The following PGBD1 variants were observed in gnomAD, a reference collection of about 807,000 sequenced individuals.
PGBD1 encodes the protein piggyBac transposable element derived 1.
A neutral mutation model predicts 34.7 loss-of-function variants in PGBD1; 25 were observed. That is an observed-to-expected ratio of 0.72 (90% CI 0.52 to 1.00). The LOEUF is 1.00. Ranked by LOEUF, PGBD1 falls within the 50% of genes least tolerant of loss-of-function variation. PGBD1 has a pLI of 0.00. For missense variants in PGBD1, 830 were observed against 959.4 expected (o/e 0.87, Z 1.78); for synonymous variants, 292 against 335.7 (o/e 0.87, Z 1.42).
intron 4 of PGBD1, among the ~76,000 whole-genome samples, chr6:28,290,131 T>C (rs1483814872): frequency 6.6e-6 from 1 of 152,204 alleles, no homozygotes; most frequent in Non-Finnish European, 1.5e-5. Flanking sequence ...GGTCTCACTC[T>C]TTCACTCTGG....
intron 4 of PGBD1, among the ~76,000 whole-genome samples, chr6:28,289,611 A>G (rs544189293): frequency 1.3e-5 from 2 of 152,350 alleles, no homozygotes; most frequent in African/African-American, 4.8e-5. Flanking sequence ...ATCAAAAACA[A>G]TAATAGGACT....
chr6:28,291,208 C>T (rs1177961820), intron 4 of PGBD1, among the ~76,000 whole-genome samples: 2 of 147,236 alleles, frequency 1.4e-5, no homozygotes, highest in Non-Finnish European at 3.0e-5. Flanking sequence ...AAGTCTTTAG[C>T]TGGACAAACA....
In PGBD1 at chr6:28,297,810, C is replaced by T. The variant is rs557448917; in HGVS notation, c.773-85C>T. On this transcript the variant is annotated intron_variant, in intron 5 of 6. Coordinates refer to ENST00000682144, the MANE Select transcript of PGBD1 (RefSeq NM_032507.4). Reference sequence around the variant, plus strand: ...TGATTTGGAACATCTATTCCCTACCCTGGAAGTTTTTTTTTTTTTTTTTTT... The same window carrying T: ...TGATTTGGAACATCTATTCCCTACCTTGGAAGTTTTTTTTTTTTTTTTTTT... 22 of 662,814 alleles carry T rather than the reference C, an allele frequency of 3.3e-5. 1 individual carries two copies. Among genetic ancestry groups the T allele is most frequent in the South Asian group, 2.4e-4 (13 of 53,396 alleles). The allele number at this position is 662,814 out of a possible 1,614,324, so 41.1% of individuals were successfully genotyped here.
chr6:28,291,684 A>G (rs924462391), intron 4 of PGBD1, among the ~76,000 whole-genome samples: 6 of 152,214 alleles, frequency 3.9e-5, no homozygotes, highest in Non-Finnish European at 8.8e-5. Context: ...ACTGATGAGC[A>G]TAGGTGCAAA....
chr6:28,299,768 C>T (rs1762766153), intron 6 of PGBD1, among the ~76,000 whole-genome samples: 1 of 151,926 alleles, frequency 6.6e-6, no homozygotes, highest in African/African-American at 2.4e-5. Context: ...TTTGGGAGGC[C>T]GAGGTGAGTG....
At chr6:28,288,663 C>G (rs1762359927) in intron 4 of PGBD1, among the ~76,000 whole-genome samples, 1 of 152,026 alleles carries the variant, frequency 6.6e-6, no homozygotes, top group African/African-American at 2.4e-5. Context: ...TGAGACCAGC[C>G]TGAGCAACAC....
chr6:28,288,061 G>A (rs1408049864), intron 4 of PGBD1, among the ~76,000 whole-genome samples: 4 of 152,176 alleles, frequency 2.6e-5, no homozygotes, highest in Non-Finnish European at 5.9e-5. Flanking sequence ...TTCAAATTAA[G>A]GAGGAATAAG....
Position 28,302,329 on chromosome 6 carries a change from A to C in PGBD1, c.*45A>C, listed in dbSNP as rs1282984059. ...GTGCAGACATTAATAAGACATAGAA[A>C]AATAATAATTATACATGCTGTTGTA... On this transcript the variant is annotated 3_prime_UTR_variant, in exon 7 of 7. Coordinates refer to ENST00000682144, the MANE Select transcript of PGBD1 (RefSeq NM_032507.4). The C allele has an allele frequency of 6.5e-7, 1 of 1,539,528 alleles. No homozygotes were observed. Among genetic ancestry groups the C allele is most frequent in the African/African-American group, 1.4e-5 (1 of 72,082 alleles).
intron 6 of PGBD1, among the ~76,000 whole-genome samples, chr6:28,298,750 T>C (rs1166988742): frequency 6.6e-6 from 1 of 151,996 alleles, no homozygotes; most frequent in Non-Finnish European, 1.5e-5. Flanking sequence ...GATACTCCTA[T>C]GCAAAGCAAG....
At chr6:28,286,545 A>G (rs904518419) in intron 3 of PGBD1, among the ~76,000 whole-genome samples, 3 of 152,240 alleles carry the variant, frequency 2.0e-5, no homozygotes, top group African/African-American at 7.2e-5. Flanking sequence ...AGTCATCATC[A>G]CCATTTTGAT....
At position 28,302,480 on chromosome 6, in the gene PGBD1, T is replaced by G. The variant is rs1305131617; in HGVS notation, c.*196T>G. ...TGTTAAAAATTGTCTGTGAGAATGT[T>G]GAACTGTAGTACCTTTCTCTATGTC... On this transcript the variant is annotated 3_prime_UTR_variant, in exon 7 of 7. Transcript: ENST00000682144. 5.1e-6 allele frequency: 3 copies of G among 584,460 alleles called. No individual in the cohort carries two copies. The highest frequency in any genetic ancestry group is 8.5e-6 in the Non-Finnish European group (3 of 352,278). The allele number at this position is 584,460 out of a possible 1,614,324, so 36.2% of individuals were successfully genotyped here.
chr6:28,286,978 G>A, intron 3 of PGBD1, 102 bp from the exon 4 acceptor site: 1 of 865,874 alleles, frequency 1.2e-6, no homozygotes, highest in Non-Finnish European at 1.9e-6. Context: ...GTTCTTGAAT[G>A]TTTAACAAAC....
In PGBD1 at chr6:28,296,945, A is replaced by C. The variant is rs1487226001; in HGVS notation, c.772A>C (p.Thr258Pro). The C allele has an allele frequency of 1.9e-6, 3 of 1,613,840 alleles. No individual in the cohort carries two copies. Among genetic ancestry groups the C allele is most frequent in the South Asian group, 1.1e-5 (1 of 91,076 alleles). The stretch of plus-strand genomic sequence containing the variant: ...GACAGTTATGAGCCTCAGTCCGATG[A>C]GTAAGGCCAGGCCTCTGGCTGGACC... ...QETVMSLSPMTEEIVTKDRLF... is the reference protein window; with the variant it reads ...QETVMSLSPMPEEIVTKDRLF... Residue 258 changes from threonine (T) to proline (P), a missense_variant and splice_region_variant, in exon 5 of 7, where the codon ACT (threonine) becomes CCT (proline). Around this residue, in one of 3 missense-constraint regions of PGBD1, gnomAD observed 457 missense variants for 515.4 expected, o/e 0.89. Transcript: ENST00000682144.
At chr6:28,295,959 A>G (rs1561889681) in intron 4 of PGBD1, among the ~76,000 whole-genome samples, 2 of 152,232 alleles carry the variant, frequency 1.3e-5, no homozygotes. Flanking sequence ...GTCAAAACAG[A>G]TATTCATTCT....
intron 4 of PGBD1, among the ~76,000 whole-genome samples, chr6:28,287,412 G>A (rs12201383): frequency 2.5e-3 from 380 of 152,250 alleles, no homozygotes; most frequent in Middle Eastern, 6.8e-3. Flanking sequence ...TCAAGGCATG[G>A]GAGTGAGGGG....
At chr6:28,289,589 C>T (rs1014742664) in intron 4 of PGBD1, among the ~76,000 whole-genome samples, 2 of 152,200 alleles carry the variant, frequency 1.3e-5, no homozygotes, top group African/African-American at 4.8e-5. Flanking sequence ...TGTGAAGCCC[C>T]AAGACATACC....
Position 28,302,032 on chromosome 6 carries a change from A to T in PGBD1, c.2178A>T (p.Pro726=). ...AAGAAATCCCTCAGATAAGTCAACC[A>T]TCCATAGTAAAAGTGTATGATGAAT... ...DNEEIPQISQ[P]SIVKVYDECK... is the part of the protein sequence containing the mutation. The change falls in exon 7 of 7, where the codon CCA becomes CCT. Residue 726 remains proline, a synonymous_variant. Transcript: ENST00000682144. 1 of 1,614,206 alleles carries T rather than the reference A, an allele frequency of 6.2e-7. No homozygotes were observed. The highest frequency in any genetic ancestry group is 1.1e-5 in the South Asian group (1 of 91,084).
chr6:28,295,097 C>G (rs139144133), intron 4 of PGBD1, among the ~76,000 whole-genome samples: 2,201 of 152,170 alleles, frequency 0.014, 53 homozygotes, highest in African/African-American at 0.043. Context: ...GGTTCTAACA[C>G]TCATCATTGT....
chr6:28,300,788 AAC>A lies in PGBD1; in HGVS notation c.937_938del (p.Thr313SerfsTer8). On this transcript the variant is annotated frameshift_variant, in exon 7 of 7. Coordinates refer to ENST00000682144, the MANE Select transcript of PGBD1 (RefSeq NM_032507.4). LOFTEE classifies it low-confidence loss of function (END_TRUNC). The surrounding 1 kb of genome is among the most constrained non-coding windows in gnomAD (Gnocchi z 4.0). ...IATERTVAHL[N>X]TLKDRHPGDL... ...TACTGAAAGGACAGTTGCACATTTG[AAC>A]ACTCTGAAGGACCGTCACCCAGGTG... The A allele has an allele frequency of 3.7e-6, 6 of 1,614,126 alleles. No individual in the cohort carries two copies. Among genetic ancestry groups the A allele is most frequent in the Non-Finnish European group, 5.1e-6 (6 of 1,180,028 alleles).
Sources: gnomAD v4.1 joint callset for allele counts (sites outside exome capture counted in the v4.1 genomes callset) on GRCh38, gnomAD v4.1.1 for gene constraint, gnomAD v4.1.1 regional missense constraint, Gnocchi (gnomAD v3.1) non-coding constraint, MANE v1.5 for transcripts, NCBI Gene and HGNC (gene_info 2026-07-23, HGNC 2026-07-21) for gene names.